EPB41L4B: variants seen among roughly 807,000 people sequenced by gnomAD.
The protein encoded by EPB41L4B is erythrocyte membrane protein band 4.1 like 4B, also known as band 4.1-like protein 4B.
In EPB41L4B, 30 loss-of-function variants were observed where a neutral mutation model predicts 112.5. The ratio of observed to expected loss-of-function variants is 0.27; its 90% CI spans 0.20 to 0.36. The LOEUF is 0.36. Among genes scored for constraint, EPB41L4B ranks in the 10% least tolerant of loss-of-function variants. EPB41L4B has a pLI of 1.00. For missense variants in EPB41L4B, 1,024 were observed against 1,133.3 expected (o/e 0.90, Z 1.38); for synonymous variants, 408 against 439.7 (o/e 0.93, Z 0.90).
At chr9:109,226,502 A>G (rs1025681149) in intron 15 of EPB41L4B, among the ~76,000 whole-genome samples, 5 of 151,354 alleles carry the variant, frequency 3.3e-5, no homozygotes, top group African/African-American at 7.3e-5. Context: ...CCCTTGTATA[A>G]CCAATTCCCT....
chr9:109,315,336 A>T (rs983277580), intron 1 of EPB41L4B, among the ~76,000 whole-genome samples: 3 of 152,186 alleles, frequency 2.0e-5, no homozygotes, highest in African/African-American at 7.2e-5. Flanking sequence ...GCTTCCTGAT[A>T]TACTGAATCA....
At chr9:109,316,580 G>A (rs536495256) in intron 1 of EPB41L4B, among the ~76,000 whole-genome samples, 1 of 152,192 alleles carries the variant, frequency 6.6e-6, no homozygotes, top group Non-Finnish European at 1.5e-5. Context: ...GGCTGAGCTA[G>A]GCTAAGGAGA....
chr9:109,207,910 T>A lies in EPB41L4B; in HGVS notation c.1878+14A>T, dbSNP rs1217284623. Reference sequence around the variant, plus strand: ...TATAACATGAAATCAAAGGAATGTATGCATTCTGCGCACCTGGATGTTCAC... The same window carrying A: ...TATAACATGAAATCAAAGGAATGTAAGCATTCTGCGCACCTGGATGTTCAC... On this transcript the variant is annotated intron_variant, in intron 18 of 25. Coordinates refer to ENST00000374566, the MANE Select transcript of EPB41L4B (RefSeq NM_019114.5). 3 of 1,613,920 alleles carry A rather than the reference T, an allele frequency of 1.9e-6. No homozygotes were observed. The Admixed American group carries it at 5.0e-5, about 27-fold the overall frequency.
At chr9:109,186,608 G>A (rs1032669150) in intron 22 of EPB41L4B, among the ~76,000 whole-genome samples, 1 of 152,002 alleles carries the variant, frequency 6.6e-6, no homozygotes, top group Non-Finnish European at 1.5e-5. Flanking sequence ...CTGAGTAGCT[G>A]GGACTACAGA....
chr9:109,195,016 A>T (rs769381909), intron 20 of EPB41L4B, among the ~76,000 whole-genome samples: 3 of 152,284 alleles, frequency 2.0e-5, no homozygotes, highest in Middle Eastern at 3.4e-3. Flanking sequence ...GATATACCAC[A>T]TTCTGTTTAT....
intron 15 of EPB41L4B, among the ~76,000 whole-genome samples, chr9:109,231,790 T>G (rs1397813390): frequency 6.6e-6 from 1 of 152,240 alleles, no homozygotes; most frequent in Non-Finnish European, 1.5e-5. Flanking sequence ...TGCTAGGTTT[T>G]GCAATGGCTT....
intron 24 of EPB41L4B, among the ~76,000 whole-genome samples, chr9:109,180,213 C>T (rs149794525): frequency 6.6e-6 from 1 of 152,278 alleles, no homozygotes; most frequent in Non-Finnish European, 1.5e-5. Flanking sequence ...CTCTGCTGCT[C>T]CAGCTGTCTT....
intron 7 of EPB41L4B, among the ~76,000 whole-genome samples, chr9:109,257,586 C>A (rs1322892165): frequency 6.6e-6 from 1 of 152,094 alleles, no homozygotes; most frequent in African/African-American, 2.4e-5. Context: ...CCTGGGATGC[C>A]CTGGGGTGTC....
intron 1 of EPB41L4B, among the ~76,000 whole-genome samples, chr9:109,318,361 C>T (rs1238712991): frequency 6.6e-6 from 1 of 152,144 alleles, no homozygotes; most frequent in East Asian, 1.9e-4. Context: ...GAGGGCTACA[C>T]TGGCTGGAAT....
At chr9:109,289,455 A>G (rs1193506502) in intron 1 of EPB41L4B, among the ~76,000 whole-genome samples, 3 of 152,180 alleles carry the variant, frequency 2.0e-5, no homozygotes, top group African/African-American at 7.2e-5. Flanking sequence ...TGCCCTATTC[A>G]TATTTGCTTC....
rs564196527 is a variant in EPB41L4B, at chr9:109,259,570, A to G, written c.632-1273T>C. On this transcript the variant is annotated intron_variant, in intron 6 of 25. Coordinates refer to ENST00000374566, the MANE Select transcript of EPB41L4B (RefSeq NM_019114.5). ...GTGGAAACAGCTCAGACACAAGAGG[A>G]CTTGGATCCCAACCCTATCATAATC... is the stretch of plus-strand genomic sequence containing the variant. Among the ~76,000 whole-genome samples the G allele has an allele frequency of 3.3e-5, 5 of 152,276 alleles. No homozygotes were observed. The East Asian group carries it at 9.7e-4, about 29-fold the overall frequency.
chr9:109,194,338 G>T lies in EPB41L4B; in HGVS notation c.2105C>A (p.Thr702Asn), dbSNP rs1279844711. The T allele has an allele frequency of 1.8e-5, 29 of 1,614,074 alleles. No homozygotes were observed. The highest frequency in any genetic ancestry group is 2.3e-5 in the Non-Finnish European group (27 of 1,180,046). Residue 702 changes from threonine (T) to asparagine (N), a missense_variant, in exon 21 of 26, where the codon ACC becomes AAC. Transcript: ENST00000374566. Reference protein sequence around the residue: ...AEAVGVTTSTTTNTTTAATQV... With the variant: ...AEAVGVTTSTNTNTTTAATQV... ...TGTGGCGGCCGTTGTGGTGTTTGTG[G>T]TTGTAGATGTGGTCACTCCCACTGC... is the stretch of plus-strand genomic sequence containing the variant.
At chr9:109,318,117 G>A (rs1837700182) in intron 1 of EPB41L4B, among the ~76,000 whole-genome samples, 1 of 151,834 alleles carries the variant, frequency 6.6e-6, no homozygotes, top group Non-Finnish European at 1.5e-5. Flanking sequence ...GCCAGCATTT[G>A]CTTTTTATCT....
intron 1 of EPB41L4B, among the ~76,000 whole-genome samples, chr9:109,296,646 G>A (rs1014808453): frequency 6.6e-6 from 1 of 152,050 alleles, no homozygotes; most frequent in East Asian, 1.9e-4. Context: ...AGCACTTTGG[G>A]AGGCAGAGGC....
chr9:109,266,738 C>T (rs1252428865), intron 4 of EPB41L4B, among the ~76,000 whole-genome samples: 2 of 151,980 alleles, frequency 1.3e-5, no homozygotes, highest in Admixed American at 6.6e-5. Context: ...GAGGCCAAAG[C>T]GGGTGGATCA....
At chr9:109,176,471 T>A in intron 25 of EPB41L4B, 80 bp downstream of exon 25, 1 of 1,463,186 alleles carries the variant, frequency 6.8e-7, no homozygotes, top group Non-Finnish European at 9.2e-7. Context: ...CCTGTACGTG[T>A]CACAAACACA....
intron 15 of EPB41L4B, among the ~76,000 whole-genome samples, chr9:109,222,083 A>G (rs1211523508): frequency 1.3e-5 from 2 of 152,216 alleles, no homozygotes; most frequent in African/African-American, 4.8e-5. Flanking sequence ...TATTTCAAGG[A>G]AACCCAGAGT....
intron 15 of EPB41L4B, among the ~76,000 whole-genome samples, chr9:109,219,247 T>A (rs960672304): frequency 6.6e-6 from 1 of 152,142 alleles, no homozygotes; most frequent in African/African-American, 2.4e-5. Flanking sequence ...ACAATCAGAG[T>A]TTTTCCTAAG....
intron 13 of EPB41L4B, among the ~76,000 whole-genome samples, chr9:109,248,447 G>C (rs1427680720): frequency 6.6e-6 from 1 of 152,230 alleles, no homozygotes; most frequent in Non-Finnish European, 1.5e-5. Context: ...CTAACAGAGA[G>C]TTGGGAAACC....
Sources: allele counts gnomAD v4.1 joint callset (sites outside exome capture counted in the v4.1 genomes callset), GRCh38; gene constraint gnomAD v4.1.1; transcripts MANE v1.5; gene names NCBI Gene and HGNC (gene_info 2026-07-23, HGNC 2026-07-21).